ANKFY1: variants seen among roughly 807,000 people sequenced by gnomAD.
ANKFY1 encodes ankyrin repeat and FYVE domain containing 1.
A neutral mutation model predicts 128.3 loss-of-function variants in ANKFY1; 47 were observed. The ratio of observed to expected loss-of-function variants is 0.37; its 90% CI spans 0.29 to 0.47. The LOEUF is 0.47. ANKFY1 is among the 20% of genes least tolerant of loss of function. The pLI is 1.00. For synonymous variants in ANKFY1, 553 were observed against 601.6 expected, an observed-to-expected ratio of 0.92 and a Z score of 1.18; for missense variants, 1,222 against 1,510.6, an observed-to-expected ratio of 0.81 and a Z score of 3.17.
chr17:4,226,367 A>AT (rs1367306617), intron 3 of ANKFY1, among the ~76,000 whole-genome samples: 2 of 151,952 alleles, frequency 1.3e-5, no homozygotes, highest in East Asian at 1.9e-4. Flanking sequence ...ACAAAAAAAC[A>AT]TTTTTTTTAA....
At chr17:4,218,501 C>T (rs1248286286) in intron 3 of ANKFY1, among the ~76,000 whole-genome samples, 1 of 152,194 alleles carries the variant, frequency 6.6e-6, no homozygotes, top group East Asian at 1.9e-4. Context: ...AATCTCAATG[C>T]TTTGGGAGGC....
chr17:4,178,879 C>G lies in ANKFY1; in HGVS notation c.2576G>C (p.Arg859Pro), dbSNP rs765652697. 1 of 1,614,216 alleles carries G rather than the reference C, an allele frequency of 6.2e-7. No individual in the cohort carries two copies. The highest frequency in any genetic ancestry group is 1.1e-5 in the South Asian group (1 of 91,068). Residue 859 changes from arginine to proline, a missense_variant, in exon 18 of 25, where the codon CGA becomes CCA. Physicochemically the swap from Arg to Pro is moderately radical, Grantham distance 103 (BLOSUM62 -2). Coordinates refer to ENST00000341657, the MANE Select transcript of ANKFY1 (RefSeq NM_001330063.2). The surrounding 1 kb of genome is among the most constrained non-coding windows in gnomAD (Gnocchi z 4.1). ...NNKSAEAILK[R>P]ESGAAEQVDN... The stretch of plus-strand genomic sequence containing the variant: ...CACCTGCTCAGCAGCCCCGGACTCT[C>G]GTTTGAGAATGGCCTCGGCTGACTT...
intron 1 of ANKFY1, among the ~76,000 whole-genome samples, chr17:4,254,352 C>T (rs1056960204): frequency 4.8e-5 from 7 of 147,150 alleles, no homozygotes; most frequent in Non-Finnish European, 8.9e-5. Flanking sequence ...CAGAGGGAGT[C>T]TGACCCACTC....
In ANKFY1 at chr17:4,170,706, G is replaced by A. The variant is rs2059301018; in HGVS notation, c.3286+9C>T. On this transcript the variant is annotated intron_variant, in intron 23 of 24. Coordinates refer to ENST00000341657, the MANE Select transcript of ANKFY1 (RefSeq NM_001330063.2). ...CTTGCACTGTGAGAGCAGAGAGCGGGCCACTCACCCAGCAGTCGGAACAGG... is the reference window on the plus strand; with the variant it reads ...CTTGCACTGTGAGAGCAGAGAGCGGACCACTCACCCAGCAGTCGGAACAGG... 1.2e-6 allele frequency: 2 copies of A among 1,603,946 alleles called. No individual in the cohort carries two copies. The highest frequency in any genetic ancestry group is 1.7e-6 in the Non-Finnish European group (2 of 1,174,596).
chr17:4,210,585 G>A (rs1052880150), intron 4 of ANKFY1, among the ~76,000 whole-genome samples: 2 of 151,604 alleles, frequency 1.3e-5, no homozygotes, highest in Admixed American at 1.3e-4. Context: ...GCGCATGCCT[G>A]TAATCCAAGC....
chr17:4,173,892 G>A lies in ANKFY1; in HGVS notation c.2923+17C>T. 1 of 1,608,642 alleles carries A rather than the reference G, an allele frequency of 6.2e-7. No homozygotes were observed. Among genetic ancestry groups the A allele is most frequent in the Non-Finnish European group, 8.5e-7 (1 of 1,175,908 alleles). The stretch of plus-strand genomic sequence containing the variant: ...TGGAGGGATCGTTCAAGCCACTAAA[G>A]AATGACTGGGAGTTACCATTGTTTC... On this transcript the variant is annotated intron_variant, in intron 20 of 24. Transcript: ENST00000341657.
intron 1 of ANKFY1, among the ~76,000 whole-genome samples, chr17:4,247,659 T>C (rs1184710551): frequency 6.6e-6 from 1 of 152,194 alleles, no homozygotes; most frequent in African/African-American, 2.4e-5. Flanking sequence ...AAATGTGTCC[T>C]TGAAGTGTCA....
chr17:4,173,823 G>A, intron 20 of ANKFY1, 86 bp downstream of exon 20: 9 of 1,506,108 alleles, frequency 6.0e-6, no homozygotes, highest in Non-Finnish European at 8.1e-6. Context: ...AACCTCCCCA[G>A]TGGGGAGCAG....
In ANKFY1 at chr17:4,167,898, G is replaced by A; in HGVS notation, c.3391C>T (p.Arg1131Cys). The A allele has an allele frequency of 4.3e-6, 7 of 1,613,634 alleles. No individual in the cohort carries two copies. The highest frequency in any genetic ancestry group is 2.2e-5 in the East Asian group (1 of 44,872). The change falls in exon 25 of 25, where the codon CGT (arginine) becomes TGT (cysteine). Residue 1131 changes from arginine to cysteine, a missense_variant. By Grantham distance (180) the Arg-to-Cys change is radical (BLOSUM62 -3). Transcript: ENST00000341657. The surrounding 1 kb of genome is among the most constrained non-coding windows in gnomAD (Gnocchi z 4.1). ...TRKHHCRHCG[R>C]LLCHKCSTKE... ...GTCGAGCATTTATGGCAAAGAAGAC[G>A]TCCGCAGTGACGACTGTGGAAGCAA...
chr17:4,207,132 C>T (rs1191885398), intron 6 of ANKFY1, among the ~76,000 whole-genome samples: 2 of 152,098 alleles, frequency 1.3e-5, no homozygotes, highest in East Asian at 3.9e-4. Context: ...AGGGCCCGAC[C>T]CATCTAACCA....
chr17:4,247,046 G>GT (rs1482175334), intron 1 of ANKFY1, among the ~76,000 whole-genome samples: 1 of 151,770 alleles, frequency 6.6e-6, no homozygotes, highest in African/African-American at 2.4e-5. Flanking sequence ...CTGGTAGGAC[G>GT]TAGAGGTTGT....
At chr17:4,256,062 C>T (rs898421133) in intron 1 of ANKFY1, among the ~76,000 whole-genome samples, 1 of 151,582 alleles carries the variant, frequency 6.6e-6, no homozygotes, top group African/African-American at 2.4e-5. Flanking sequence ...GTGACCTGCC[C>T]GCCTCGGCCT....
At chr17:4,209,421 C>T (rs2143016912) in intron 5 of ANKFY1, among the ~76,000 whole-genome samples, 2 of 152,324 alleles carry the variant, frequency 1.3e-5, no homozygotes, top group Middle Eastern at 6.8e-3. Context: ...CTGCCACAGT[C>T]TCCTGAGTAG....
chr17:4,189,899 C>G (rs577530654), intron 10 of ANKFY1, among the ~76,000 whole-genome samples: 69 of 151,308 alleles, frequency 4.6e-4, no homozygotes, highest in East Asian at 7.7e-4. Context: ...CAGGTACTCT[C>G]TGTGTGTGGA....
intron 14 of ANKFY1, 24 bp downstream of exon 14, chr17:4,183,374 G>C: frequency 6.2e-7 from 1 of 1,609,256 alleles, no homozygotes; most frequent in Non-Finnish European, 8.5e-7. Context: ...CTGGTGTTAG[G>C]TGGAGAGAGC....
intron 24 of ANKFY1, 137 bp from the exon 25 acceptor site, chr17:4,168,048 C>T (rs1215010865): frequency 9.1e-6 from 8 of 882,932 alleles, no homozygotes; most frequent in Non-Finnish European, 1.2e-5. Context: ...CAACTGCCAG[C>T]CCGGTTACCA....
Position 4,164,630 on chromosome 17 carries a change from GTTCT to G in ANKFY1, c.*3145_*3148del, listed in dbSNP as rs1351547011. 6.6e-6 allele frequency: 1 copy of G among 152,248 alleles called. No individual in the cohort carries two copies. Among genetic ancestry groups the G allele is most frequent in the Non-Finnish European group, 1.5e-5 (1 of 68,058 alleles). The allele number at this position is 152,248 out of a possible 1,614,324, so 9.4% of individuals were successfully genotyped here. A position where few individuals can be genotyped will look rare whatever the true frequency, so the allele number is the denominator to read the frequency against. ...GTGAAGCATTACATAGTTCAAAAGTGTTCTTTTTCTCCAGATAAAAGAAACCTAG... is the reference window on the plus strand; with the variant it reads ...GTGAAGCATTACATAGTTCAAAAGTGTTTTCTCCAGATAAAAGAAACCTAG... On this transcript the variant is annotated 3_prime_UTR_variant, in exon 25 of 25. Coordinates refer to ENST00000341657, the MANE Select transcript of ANKFY1 (RefSeq NM_001330063.2).
chr17:4,221,299 C>T (rs1422327539), intron 3 of ANKFY1, among the ~76,000 whole-genome samples: 1 of 152,130 alleles, frequency 6.6e-6, no homozygotes, highest in Admixed American at 6.5e-5. Context: ...ACAGCCTCGA[C>T]CTCCCAGGCT....
intron 2 of ANKFY1, among the ~76,000 whole-genome samples, chr17:4,241,997 G>A (rs1359864097): frequency 1.3e-5 from 2 of 150,332 alleles, no homozygotes; most frequent in African/African-American, 2.4e-5. Flanking sequence ...GCTGAGGCAA[G>A]AGAATCACTT....
Sources: gnomAD v4.1 joint callset for allele counts (sites outside exome capture counted in the v4.1 genomes callset) on GRCh38, gnomAD v4.1.1 for gene constraint, Gnocchi (gnomAD v3.1) non-coding constraint, MANE v1.5 for transcripts, NCBI Gene and HGNC (gene_info 2026-07-23, HGNC 2026-07-21) for gene names.